The following NEMP2 variants were observed in gnomAD, a reference collection of about 807,000 sequenced individuals.
NEMP2 encodes the protein nuclear envelope integral membrane protein 2.
NEMP2 carries 53 observed loss-of-function variants against 54.2 expected under a neutral mutation model. The ratio of observed to expected loss-of-function variants is 0.98; its 90% CI spans 0.78 to 1.23. The LOEUF is 1.23. NEMP2 is among the 50% of genes most tolerant of loss of function. The probability of loss-of-function intolerance (pLI) is 0.00; values close to 1 mark genes in which losing one functional copy is unlikely to be tolerated. For synonymous variants in NEMP2, 197 were observed against 190.3 expected (o/e 1.04, Z -0.29); for missense variants, 455 against 511.3 (o/e 0.89, Z 1.06).
the NEMP2 span, among the ~76,000 whole-genome samples, chr2:190,562,924 C>T: frequency 6.6e-6 from 1 of 152,116 alleles, no homozygotes; most frequent in Admixed American, 6.5e-5. The surrounding 1 kb of genome is among the most constrained non-coding windows in gnomAD (Gnocchi z 5.0). Flanking sequence ...TCTGAGATCA[C>T]CCTAAAACTA....
At chr2:190,471,866 C>A in the NEMP2 span, among the ~76,000 whole-genome samples, 1 of 152,174 alleles carries the variant, frequency 6.6e-6, no homozygotes, top group African/African-American at 2.4e-5. The surrounding 1 kb of genome is among the most constrained non-coding windows in gnomAD (Gnocchi z 4.7). Context: ...ATAACTCATA[C>A]GGCCGGGTAC....
At chr2:190,639,838 C>T in the NEMP2 span, among the ~76,000 whole-genome samples, 1 of 151,974 alleles carries the variant, frequency 6.6e-6, no homozygotes, top group African/African-American at 2.4e-5. Flanking sequence ...TTAGTAGAGA[C>T]GTGGCTTCAC....
At chr2:190,495,056 A>G in the NEMP2 span, among the ~76,000 whole-genome samples, 10 of 152,214 alleles carry the variant, frequency 6.6e-5, no homozygotes, top group Non-Finnish European at 1.2e-4. This position sits in a 1 kb window ranked among gnomAD's most constrained non-coding sequence, Gnocchi z 4.7. Flanking sequence ...GAGGAAGTCA[A>G]ACTGTCGCTG....
At chr2:190,469,877 A>C in the NEMP2 span, 1 of 1,530,398 alleles carries the variant, frequency 6.5e-7, no homozygotes, top group Admixed American at 1.7e-5. The surrounding 1 kb of genome is among the most constrained non-coding windows in gnomAD (Gnocchi z 5.3). Flanking sequence ...GCTGGGATTG[A>C]AATTATTTCT....
chr2:190,616,645 T>C, the NEMP2 span, among the ~76,000 whole-genome samples: 2 of 152,198 alleles, frequency 1.3e-5, no homozygotes, highest in Admixed American at 1.3e-4. This position sits in a 1 kb window ranked among gnomAD's most constrained non-coding sequence, Gnocchi z 5.1. Context: ...AGAAGGAAAC[T>C]ATACCTTTGG....
the NEMP2 span, among the ~76,000 whole-genome samples, chr2:190,492,028 C>A: frequency 1.3e-5 from 2 of 152,130 alleles, no homozygotes; most frequent in South Asian, 4.1e-4. The surrounding 1 kb of genome is among the most constrained non-coding windows in gnomAD (Gnocchi z 5.2). Context: ...TGGAAAGTCT[C>A]AGCAACAGAA....
the NEMP2 span, among the ~76,000 whole-genome samples, chr2:190,562,773 A>G: frequency 6.6e-6 from 1 of 152,192 alleles, no homozygotes; most frequent in Non-Finnish European, 1.5e-5. The surrounding 1 kb of genome is among the most constrained non-coding windows in gnomAD (Gnocchi z 5.0). Flanking sequence ...CCATCGACTA[A>G]CACATAGGGA....
the NEMP2 span, among the ~76,000 whole-genome samples, chr2:190,636,884 C>A: frequency 6.6e-6 from 1 of 152,200 alleles, no homozygotes; most frequent in Non-Finnish European, 1.5e-5. Context: ...CTTCTTCCTC[C>A]CCCTTTATCC....
chr2:190,426,708 C>T, the NEMP2 span, among the ~76,000 whole-genome samples: 1 of 152,166 alleles, frequency 6.6e-6, no homozygotes, highest in African/African-American at 2.4e-5. The surrounding 1 kb of genome is among the most constrained non-coding windows in gnomAD (Gnocchi z 4.7). Context: ...TCATTCCTGT[C>T]ATCTCAATGT....
the NEMP2 span, among the ~76,000 whole-genome samples, chr2:190,612,509 C>G: frequency 8.5e-5 from 13 of 152,132 alleles, no homozygotes; most frequent in Non-Finnish European, 1.9e-4. Flanking sequence ...ATTTACCACA[C>G]AAGATCCTTC....
chr2:190,489,704 G>A, the NEMP2 span: 2 of 1,456,064 alleles, frequency 1.4e-6, no homozygotes, highest in African/African-American at 1.4e-5. This position sits in a 1 kb window ranked among gnomAD's most constrained non-coding sequence, Gnocchi z 6.6. Context: ...AAAACTGATG[G>A]TTTTAGATGA....
chr2:190,494,904 G>C, the NEMP2 span, among the ~76,000 whole-genome samples: 1 of 152,022 alleles, frequency 6.6e-6, no homozygotes, highest in African/African-American at 2.4e-5. This position sits in a 1 kb window ranked among gnomAD's most constrained non-coding sequence, Gnocchi z 5.7. Context: ...TACTGAACAG[G>C]GAGAAGTTGG....
chr2:190,479,662 A>C, the NEMP2 span, among the ~76,000 whole-genome samples: 1 of 152,206 alleles, frequency 6.6e-6, no homozygotes, highest in Non-Finnish European at 1.5e-5. Flanking sequence ...TCTGAGCAAG[A>C]ATCAGAATTA....
At chr2:190,437,577 C>T in the NEMP2 span, 698 of 1,601,080 alleles carry the variant, frequency 4.4e-4, 1 homozygote, top group Middle Eastern at 8.7e-3. This position sits in a 1 kb window ranked among gnomAD's most constrained non-coding sequence, Gnocchi z 5.9. Context: ...AACATGCTTA[C>T]GATTGCTGCC....
upstream of NEMP2, among the ~76,000 whole-genome samples, chr2:190,537,841 C>T (rs189697802): frequency 2.2e-3 from 335 of 152,312 alleles, no homozygotes; most frequent in Non-Finnish European, 2.1e-3. Flanking sequence ...CAGGGCATGT[C>T]GGAGACCTTC....
chr2:190,491,300 C>T, the NEMP2 span, among the ~76,000 whole-genome samples: 1 of 152,138 alleles, frequency 6.6e-6, no homozygotes, highest in Non-Finnish European at 1.5e-5. This position sits in a 1 kb window ranked among gnomAD's most constrained non-coding sequence, Gnocchi z 4.2. Context: ...TCAGGTGGAC[C>T]GAGTAGCATG....
At chr2:190,483,835 CAAAAAAAA>C in the NEMP2 span, among the ~76,000 whole-genome samples, 3 of 86,680 alleles carry the variant, frequency 3.5e-5, no homozygotes, top group Non-Finnish European at 4.8e-5. Flanking sequence ...AACTCATTTT[CAAAAAAAA>C]AAAAAAAAAA....
At chr2:190,615,842 TTTC>T in the NEMP2 span, among the ~76,000 whole-genome samples, 17 of 152,306 alleles carry the variant, frequency 1.1e-4, no homozygotes, top group East Asian at 2.3e-3. This position sits in a 1 kb window ranked among gnomAD's most constrained non-coding sequence, Gnocchi z 4.7. Context: ...AATATATCTA[TTTC>T]TTATTATGGC....
chr2:190,643,216 C>T, the NEMP2 span, among the ~76,000 whole-genome samples: 1 of 152,040 alleles, frequency 6.6e-6, no homozygotes, highest in South Asian at 2.1e-4. Flanking sequence ...TTAGGATGAA[C>T]ATAATTAAGT....
Sources: allele counts gnomAD v4.1 joint callset (sites outside exome capture counted in the v4.1 genomes callset), GRCh38; gene constraint gnomAD v4.1.1; non-coding constraint Gnocchi (gnomAD v3.1); transcripts MANE v1.5; gene names NCBI Gene and HGNC (gene_info 2026-07-23, HGNC 2026-07-21).